Variants in PRKN observed in about 807,000 individuals in gnomAD.
The protein encoded by PRKN is E3 ubiquitin-protein ligase parkin.
A neutral mutation model predicts 59.5 loss-of-function variants in PRKN; 56 were observed. That is an observed-to-expected ratio of 0.94 (90% CI 0.76 to 1.18). PRKN has a LOEUF of 1.18. Ranked by LOEUF, PRKN falls within the 50% of genes most tolerant of loss-of-function variation. The probability of loss-of-function intolerance (pLI) is 0.00; values close to 1 mark genes in which losing one functional copy is unlikely to be tolerated. For synonymous variants in PRKN, 250 were observed against 222.1 expected (o/e 1.13, Z -1.12); for missense variants, 657 against 596.4 (o/e 1.10, Z -1.06).
rs895613692 is a variant in PRKN at position 161,722,069 on chromosome 6, C to T, written c.871+63703G>A. ...TCTGGGAAACTGGCCTCTAAATCTC[C>T]GCCTTTACTGGTAAGTCAGGCTCAG... is the stretch of plus-strand genomic sequence containing the variant. On this transcript the variant is annotated intron_variant, in intron 7 of 11. Coordinates refer to ENST00000366898, the MANE Select transcript of PRKN (RefSeq NM_004562.3). 1.2e-4 allele frequency among the ~76,000 whole-genome samples: 18 copies of T among 152,162 alleles called. 1 individual carries two copies. The highest frequency in any genetic ancestry group is 7.2e-4 in the Admixed American group (11 of 15,276).
At chr6:162,484,472 T>A (rs573629739) in intron 1 of PRKN, among the ~76,000 whole-genome samples, 1 of 152,278 alleles carries the variant, frequency 6.6e-6, no homozygotes, top group African/African-American at 2.4e-5. Context: ...CTGGACTGAC[T>A]TTTGGCTTGA....
intron 7 of PRKN, among the ~76,000 whole-genome samples, chr6:161,657,907 T>C (rs1784406717): frequency 6.7e-6 from 1 of 148,910 alleles, no homozygotes; most frequent in African/African-American, 2.5e-5. Context: ...AGGTGCCCAC[T>C]CGGGAGGCTG....
At chr6:162,674,492 A>G (rs535378267) in intron 1 of PRKN, among the ~76,000 whole-genome samples, 1 of 152,296 alleles carries the variant, frequency 6.6e-6, no homozygotes, top group South Asian at 2.1e-4. Flanking sequence ...TTCCAGGCAG[A>G]TTGGACAACA....
intron 1 of PRKN, among the ~76,000 whole-genome samples, chr6:162,644,217 C>T (rs1301081228): frequency 6.6e-6 from 1 of 152,134 alleles, no homozygotes; most frequent in Non-Finnish European, 1.5e-5. Flanking sequence ...CCTCCTCCTG[C>T]CACCCAGATA....
chr6:162,609,813 T>C (rs1267521982), intron 1 of PRKN, among the ~76,000 whole-genome samples: 1 of 152,244 alleles, frequency 6.6e-6, no homozygotes, highest in Non-Finnish European at 1.5e-5. Flanking sequence ...ACTAGGTTAG[T>C]ACCAGTGATT....
chr6:162,193,971 A>G (rs1441421944), intron 4 of PRKN, among the ~76,000 whole-genome samples: 1 of 152,228 alleles, frequency 6.6e-6, no homozygotes, highest in African/African-American at 2.4e-5. Context: ...AGAAGATCCT[A>G]AAAGCTGATT....
chr6:161,585,055 C>T (rs1781473779), intron 7 of PRKN, among the ~76,000 whole-genome samples: 1 of 152,136 alleles, frequency 6.6e-6, no homozygotes. Flanking sequence ...CCATTTCTTC[C>T]CAACATTTAG....
chr6:161,573,590 G>T (rs2115491290), intron 7 of PRKN, among the ~76,000 whole-genome samples: 2 of 149,564 alleles, frequency 1.3e-5, no homozygotes, highest in East Asian at 4.0e-4. Flanking sequence ...CGTGGTGGCG[G>T]GCGCCTGTAG....
In PRKN at chr6:161,363,274, T is replaced by C. The variant is rs1785053159; in HGVS notation, c.1168-3069A>G. Among the ~76,000 whole-genome samples the C allele has an allele frequency of 6.6e-6, 1 of 152,114 alleles. No homozygotes were observed. On this transcript the variant is annotated intron_variant, in intron 10 of 11. Transcript: ENST00000366898. The surrounding 1 kb of genome is among the most constrained non-coding windows in gnomAD (Gnocchi z 4.1). ...CTTAACTGAGTATAAACTAAATATG[T>C]TTGTTATATTTAAATAAATAAATAA...
At chr6:162,665,249 G>T (rs1779055499) in intron 1 of PRKN, among the ~76,000 whole-genome samples, 1 of 152,086 alleles carries the variant, frequency 6.6e-6, no homozygotes. Context: ...AGTTGTCTCT[G>T]TTTGCAGATG....
chr6:162,551,869 AGT>A (rs538274060), intron 1 of PRKN, among the ~76,000 whole-genome samples: 3 of 152,212 alleles, frequency 2.0e-5, no homozygotes, highest in Non-Finnish European at 4.4e-5. Flanking sequence ...CTCAGCAGTC[AGT>A]GTGTGATGAT....
At chr6:162,132,462 G>A (rs75606404) in intron 4 of PRKN, among the ~76,000 whole-genome samples, 2,756 of 152,214 alleles carry the variant, frequency 0.018, 101 homozygotes, top group African/African-American at 0.062. Context: ...TTGGGTATAT[G>A]CAGTATCTTG....
chr6:162,331,823 T>C (rs1028845204), intron 2 of PRKN, among the ~76,000 whole-genome samples: 32 of 152,130 alleles, frequency 2.1e-4, no homozygotes, highest in African/African-American at 6.5e-4. Flanking sequence ...TCCGTAGCGG[T>C]GGGGTTATTG....
intron 1 of PRKN, among the ~76,000 whole-genome samples, chr6:162,612,304 A>G (rs2128219104): frequency 6.6e-6 from 1 of 152,100 alleles, no homozygotes. Flanking sequence ...CGGGAAAACA[A>G]ATTTCAATTC....
intron 7 of PRKN, among the ~76,000 whole-genome samples, chr6:161,594,328 T>C (rs1035732146): frequency 6.6e-5 from 10 of 152,114 alleles, no homozygotes; most frequent in African/African-American, 2.4e-4. Context: ...AGCTCTGTCT[T>C]ATGAGAGAAA....
At chr6:162,485,683 C>T (rs1463800818) in intron 1 of PRKN, among the ~76,000 whole-genome samples, 1 of 152,180 alleles carries the variant, frequency 6.6e-6, no homozygotes, top group African/African-American at 2.4e-5. Context: ...ACACCCACTA[C>T]ACTTGTCTTT....
chr6:161,462,342 C>T lies in PRKN; in HGVS notation c.1084-75465G>A, dbSNP rs1790260919. Among the ~76,000 whole-genome samples, 1 of 152,174 alleles carries T rather than the reference C, an allele frequency of 6.6e-6. No individual in the cohort carries two copies. Among genetic ancestry groups the T allele is most frequent in the Admixed American group, 6.5e-5 (1 of 15,288 alleles). On this transcript the variant is annotated intron_variant, in intron 9 of 11. Transcript: ENST00000366898. The surrounding 1 kb of genome is among the most constrained non-coding windows in gnomAD (Gnocchi z 4.5). ...TCTGTGGTTTATAAGCTGGCATAAGCTGGCATTTTTCAGTCGAAATACCAC... is the reference window on the plus strand; with the variant it reads ...TCTGTGGTTTATAAGCTGGCATAAGTTGGCATTTTTCAGTCGAAATACCAC...
In PRKN at chr6:161,378,142, A is replaced by C. The variant is rs1238021645; in HGVS notation, c.1167+8652T>G. On this transcript the variant is annotated intron_variant, in intron 10 of 11. Transcript: ENST00000366898. The surrounding 1 kb of genome is among the most constrained non-coding windows in gnomAD (Gnocchi z 7.3). ...GGTAAGACAAGGAGCTCTGCAGAGCAGGCACGTGGACAGACCCATGGGAGG... is the reference window on the plus strand; with the variant it reads ...GGTAAGACAAGGAGCTCTGCAGAGCCGGCACGTGGACAGACCCATGGGAGG... Among the ~76,000 whole-genome samples, 1 of 152,190 alleles carries C rather than the reference A, an allele frequency of 6.6e-6. No homozygotes were observed.
At chr6:162,469,214 G>A (rs182785779) in intron 1 of PRKN, among the ~76,000 whole-genome samples, 250 of 152,004 alleles carry the variant, frequency 1.6e-3, no homozygotes, top group Middle Eastern at 3.4e-3. Flanking sequence ...TTGAAGGCAC[G>A]CACCACACTA....
Sources: gnomAD v4.1 joint callset for allele counts (sites outside exome capture counted in the v4.1 genomes callset) on GRCh38, gnomAD v4.1.1 for gene constraint, Gnocchi (gnomAD v3.1) non-coding constraint, MANE v1.5 for transcripts, NCBI Gene and HGNC (gene_info 2026-07-23, HGNC 2026-07-21) for gene names.